SPMAP2L: variants seen among roughly 807,000 people sequenced by gnomAD.
The protein encoded by SPMAP2L is sperm microtubule associated protein 2 like.
the SPMAP2L span, among the ~76,000 whole-genome samples, chr4:56,577,502 C>T: frequency 6.6e-6 from 1 of 151,948 alleles, no homozygotes; most frequent in Non-Finnish European, 1.5e-5. Flanking sequence ...AGAGTCAGTC[C>T]ATTAAAAAGG....
the SPMAP2L span, among the ~76,000 whole-genome samples, chr4:56,571,482 G>A: frequency 6.6e-6 from 1 of 151,724 alleles, no homozygotes; most frequent in Admixed American, 6.6e-5. Flanking sequence ...CTGGTTAATT[G>A]TTTTGGATTT....
chr4:56,614,448 A>C, the SPMAP2L span, among the ~76,000 whole-genome samples: 1 of 152,112 alleles, frequency 6.6e-6, no homozygotes, highest in East Asian at 1.9e-4. Flanking sequence ...TGAGGTCAGG[A>C]GTTCAAGACC....
At chr4:56,574,628 G>A in the SPMAP2L span, among the ~76,000 whole-genome samples, 4 of 152,104 alleles carry the variant, frequency 2.6e-5, no homozygotes, top group Non-Finnish European at 5.9e-5. Flanking sequence ...GCTAAAGGAA[G>A]TATTTGGTTT....
the SPMAP2L span, among the ~76,000 whole-genome samples, chr4:56,612,196 A>T: frequency 1.3e-5 from 2 of 152,140 alleles, no homozygotes. Context: ...TACAGCCTGC[A>T]TTGTGACTTT....
chr4:56,532,429 CT>C, the SPMAP2L span, among the ~76,000 whole-genome samples: 13,512 of 151,940 alleles, frequency 0.089, 739 homozygotes, highest in East Asian at 0.26. Flanking sequence ...CTCTCATTTC[CT>C]GAAGAACTTT....
chr4:56,612,374 C>T, the SPMAP2L span, among the ~76,000 whole-genome samples: 1 of 151,878 alleles, frequency 6.6e-6, no homozygotes, highest in East Asian at 1.9e-4. Flanking sequence ...TTCTTTCTCA[C>T]TCTGTTGCCC....
the SPMAP2L span, among the ~76,000 whole-genome samples, chr4:56,614,804 C>A: frequency 6.6e-6 from 1 of 152,160 alleles, no homozygotes; most frequent in East Asian, 1.9e-4. Context: ...AACCCTATCT[C>A]ACTTGCCAGT....
At chr4:56,611,860 C>T in the SPMAP2L span, among the ~76,000 whole-genome samples, 1 of 152,178 alleles carries the variant, frequency 6.6e-6, no homozygotes, top group Non-Finnish European at 1.5e-5. Context: ...AGTTAACCCC[C>T]TTCAACTTCC....
the SPMAP2L span, among the ~76,000 whole-genome samples, chr4:56,559,677 C>T: frequency 1.3e-5 from 2 of 152,218 alleles, no homozygotes; most frequent in South Asian, 4.1e-4. Context: ...ATGCGATTCT[C>T]CTGCCTCAGC....
At chr4:56,559,275 C>T in the SPMAP2L span, 4 of 1,051,134 alleles carry the variant, frequency 3.8e-6, no homozygotes, top group Non-Finnish European at 4.9e-6. Flanking sequence ...CGCTCCACTC[C>T]AGCCTGGGCA....
the SPMAP2L span, among the ~76,000 whole-genome samples, chr4:56,534,235 A>G: frequency 6.6e-6 from 1 of 152,196 alleles, no homozygotes; most frequent in African/African-American, 2.4e-5. Context: ...TGTTGAGGTC[A>G]CAATGATCGC....
chr4:56,565,850 C>CT, the SPMAP2L span, among the ~76,000 whole-genome samples: 1,209 of 152,132 alleles, frequency 7.9e-3, 28 homozygotes, highest in African/African-American at 0.028. Flanking sequence ...CAAATTGACC[C>CT]TTTTTTATCA....
the SPMAP2L span, chr4:56,593,414 T>C: frequency 7.0e-7 from 1 of 1,422,332 alleles, no homozygotes; most frequent in Non-Finnish European, 9.9e-7. Flanking sequence ...GAAATGGACT[T>C]CAGTGGAAAA....
chr4:56,553,017 C>T, the SPMAP2L span, among the ~76,000 whole-genome samples: 1 of 152,002 alleles, frequency 6.6e-6, no homozygotes, highest in Non-Finnish European at 1.5e-5. Context: ...CTCTAAGGCT[C>T]CTATCACTAA....
the SPMAP2L span, among the ~76,000 whole-genome samples, chr4:56,580,304 G>A: frequency 6.6e-6 from 1 of 151,910 alleles, no homozygotes; most frequent in Non-Finnish European, 1.5e-5. Flanking sequence ...AGGAATGTGA[G>A]AATATGTTGA....
At chr4:56,532,849 C>G in the SPMAP2L span, among the ~76,000 whole-genome samples, 1 of 152,188 alleles carries the variant, frequency 6.6e-6, no homozygotes, top group Non-Finnish European at 1.5e-5. Flanking sequence ...TTCACCCCAT[C>G]GTAGGCACCC....
the SPMAP2L span, among the ~76,000 whole-genome samples, chr4:56,550,508 G>C: frequency 6.6e-6 from 1 of 152,090 alleles, no homozygotes; most frequent in African/African-American, 2.4e-5. Flanking sequence ...CTGAGGAGTA[G>C]AGCGGGTAGA....
At chr4:56,557,267 A>AAAAAGAAAAG in the SPMAP2L span, among the ~76,000 whole-genome samples, 8 of 150,000 alleles carry the variant, frequency 5.3e-5, no homozygotes, top group African/African-American at 2.0e-4. Context: ...CAAAAAAAAA[A>AAAAAGAAAAG]AAAAGAAAAG....
the SPMAP2L span, among the ~76,000 whole-genome samples, chr4:56,616,528 A>AT: frequency 6.6e-6 from 1 of 152,258 alleles, no homozygotes; most frequent in Admixed American, 6.5e-5. Flanking sequence ...CAAGTAAGTA[A>AT]TTTATAAGAG....
Sources: gnomAD v4.1 joint callset for allele counts (sites outside exome capture counted in the v4.1 genomes callset) on GRCh38, gnomAD v4.1.1 for gene constraint, MANE v1.5 for transcripts, NCBI Gene and HGNC (gene_info 2026-07-23, HGNC 2026-07-21) for gene names.